TMEM266: variants seen among roughly 807,000 people sequenced by gnomAD.
TMEM266 encodes the protein transmembrane protein 266.
In TMEM266, 33 loss-of-function variants were observed where a neutral mutation model predicts 50.5. That is an observed-to-expected ratio of 0.65 (90% CI 0.50 to 0.87). The LOEUF is 0.87. Among genes scored for constraint, TMEM266 ranks in the 40% least tolerant of loss-of-function variants. TMEM266 has a pLI of 0.00. For synonymous variants in TMEM266, 310 were observed against 292.3 expected (o/e 1.06, Z -0.62); for missense variants, 655 against 695.1 (o/e 0.94, Z 0.65).
chr15:76,183,270 C>T (rs2038447595), intron 8 of TMEM266, among the ~76,000 whole-genome samples: 1 of 151,802 alleles, frequency 6.6e-6, no homozygotes, highest in Non-Finnish European at 1.5e-5. Flanking sequence ...CATGTGTCAC[C>T]ACCCCTGGCT....
At chr15:76,172,958 G>A (rs1259766926) in intron 7 of TMEM266, among the ~76,000 whole-genome samples, 2 of 152,030 alleles carry the variant, frequency 1.3e-5, no homozygotes, top group Admixed American at 6.5e-5. Flanking sequence ...AGCCCCCTTT[G>A]TGACGCTCTT....
rs892889757 is a variant in TMEM266, at chr15:76,153,891, A to C, written c.228-2713A>C. On this transcript the variant is annotated intron_variant, in intron 3 of 10. Coordinates refer to ENST00000388942, the MANE Select transcript of TMEM266 (RefSeq NM_152335.3). This position sits in a 1 kb window ranked among gnomAD's most constrained non-coding sequence, Gnocchi z 4.2. ...CTGTGCCGCTGGCACTGCTGCGGGCAGCAGCTTTAGGCTTCTGGGAGCCTC... is the reference window on the plus strand; with the variant it reads ...CTGTGCCGCTGGCACTGCTGCGGGCCGCAGCTTTAGGCTTCTGGGAGCCTC... Among the ~76,000 whole-genome samples, 1 of 152,216 alleles carries C rather than the reference A, an allele frequency of 6.6e-6. No individual in the cohort carries two copies. The highest frequency in any genetic ancestry group is 2.4e-5 in the African/African-American group (1 of 41,462).
intron 8 of TMEM266, among the ~76,000 whole-genome samples, chr15:76,190,120 A>G (rs2038545876): frequency 6.6e-6 from 1 of 152,270 alleles, no homozygotes; most frequent in South Asian, 2.1e-4. Context: ...AGTTCAATGC[A>G]GAGAATTCAG....
In TMEM266 at chr15:76,069,328, T is replaced by C. The variant is rs75585763; in HGVS notation, c.-97+9312T>C. Among the ~76,000 whole-genome samples the C allele has an allele frequency of 3.9e-3, 592 of 152,174 alleles. 10 individuals carry two copies. Among genetic ancestry groups the C allele is most frequent in the African/African-American group, 0.014 (578 of 41,512 alleles). ...AAAGGACAGAAAAAGCAGGAGGAGA[T>C]AGGGCCTGGTTTGGTGATGAACCAC... On this transcript the variant is annotated intron_variant, in intron 1 of 10. Transcript: ENST00000388942.
intron 1 of TMEM266, among the ~76,000 whole-genome samples, chr15:76,122,586 C>T (rs1247224806): frequency 6.6e-6 from 1 of 152,146 alleles, no homozygotes; most frequent in Admixed American, 6.5e-5. Context: ...TGGAAATTTG[C>T]AAAGTGTTTG....
chr15:76,160,118 G>A lies in TMEM266; in HGVS notation c.406G>A (p.Gly136Ser), dbSNP rs550666214. 1.2e-6 allele frequency: 2 copies of A among 1,614,204 alleles called. No individual in the cohort carries two copies. The highest frequency in any genetic ancestry group is 1.1e-5 in the South Asian group (1 of 91,084). ...AGTTTCCAGCGCATTCCAGTTTGCT[G>A]GCGTGATTCACTGGATCAGCCTGGT... The change falls in exon 5 of 11, where the codon GGC (glycine) becomes AGC (serine). Residue 136 changes from glycine (G) to serine (S), a missense_variant. By Grantham distance (56) the Gly-to-Ser change is moderately conservative (BLOSUM62 0). Transcript: ENST00000388942. This position sits in a 1 kb window ranked among gnomAD's most constrained non-coding sequence, Gnocchi z 5.7.
rs71140199 is a variant in TMEM266 at position 76,183,103 on chromosome 15, C to CTTTTTTT, written c.768+7453_768+7459dup. Among the ~76,000 whole-genome samples the CTTTTTTT allele has an allele frequency of 9.6e-3, 424 of 44,168 alleles. 86 individuals carry two copies. Among genetic ancestry groups the CTTTTTTT allele is most frequent in the Admixed American group, 0.018 (38 of 2,104 alleles). The allele number at this position is 44,168 out of a possible 152,430, so 29.0% of individuals were successfully genotyped here. A position where few individuals can be genotyped will look rare whatever the true frequency, so the allele number is the denominator to read the frequency against. On this transcript the variant is annotated intron_variant, in intron 8 of 10. Transcript: ENST00000388942. Reference sequence around the variant, plus strand: ...CCTCCAGGCTGCTTCCATTTTGTGGCTTTTTTTTTTTTTTTTTTTTTTTTT... The same window carrying CTTTTTTT: ...CCTCCAGGCTGCTTCCATTTTGTGGCTTTTTTTTTTTTTTTTTTTTTTTTTTTTTTTT...
chr15:76,171,297 G>A (rs1381428448), intron 7 of TMEM266, among the ~76,000 whole-genome samples, 166 bp downstream of exon 7: 1 of 152,180 alleles, frequency 6.6e-6, no homozygotes, highest in East Asian at 1.9e-4. Flanking sequence ...TCGCCATCAC[G>A]CGTTCATGCA....
chr15:76,111,793 T>C (rs552753982), intron 1 of TMEM266, among the ~76,000 whole-genome samples: 1 of 152,216 alleles, frequency 6.6e-6, no homozygotes, highest in African/African-American at 2.4e-5. Context: ...CCCAAATGAG[T>C]TGAAATTGAT....
chr15:76,105,697 G>A (rs572201102), intron 1 of TMEM266, among the ~76,000 whole-genome samples: 1 of 152,236 alleles, frequency 6.6e-6, no homozygotes, highest in Non-Finnish European at 1.5e-5. Context: ...TGCTCAAAGA[G>A]ATGGCAGGAA....
At chr15:76,166,373 C>A (rs766474802) in intron 5 of TMEM266, among the ~76,000 whole-genome samples, 1 of 152,178 alleles carries the variant, frequency 6.6e-6, no homozygotes, top group African/African-American at 2.4e-5. Flanking sequence ...ACAGCGGCCT[C>A]TTGCTATTCT....
At chr15:76,083,021 G>A (rs918148217) in intron 1 of TMEM266, among the ~76,000 whole-genome samples, 1 of 151,882 alleles carries the variant, frequency 6.6e-6, no homozygotes, top group African/African-American at 2.4e-5. Flanking sequence ...AACTAACAGA[G>A]CAAGAACTCA....
At position 76,153,009 on chromosome 15, in the gene TMEM266, G is replaced by A. The variant is rs56853800; in HGVS notation, c.228-3595G>A. Among the ~76,000 whole-genome samples the A allele has an allele frequency of 0.094, 14,373 of 152,182 alleles. 1,002 individuals are homozygous for A. The highest frequency in any genetic ancestry group is 0.21 in the Admixed American group (3,257 of 15,278). The stretch of plus-strand genomic sequence containing the variant: ...GTCCTCTACCTGGCTCTTCCCTGAG[G>A]CTGAGGAGTGTGCTCTGGTGTCAGG... On this transcript the variant is annotated intron_variant, in intron 3 of 10. Coordinates refer to ENST00000388942, the MANE Select transcript of TMEM266 (RefSeq NM_152335.3). This position sits in a 1 kb window ranked among gnomAD's most constrained non-coding sequence, Gnocchi z 4.2.
intron 5 of TMEM266, among the ~76,000 whole-genome samples, chr15:76,166,233 C>A (rs918566875): frequency 6.6e-6 from 1 of 151,520 alleles, no homozygotes; most frequent in Non-Finnish European, 1.5e-5. Context: ...AAGGATGCTG[C>A]GGGGGGGAAA....
chr15:76,130,279 T>A (rs1182485760), intron 1 of TMEM266, among the ~76,000 whole-genome samples: 1 of 129,524 alleles, frequency 7.7e-6, no homozygotes, highest in South Asian at 2.6e-4. Context: ...GTCTCATGCC[T>A]GTAATTCCAG....
At chr15:76,075,975 A>G (rs12917476) in intron 1 of TMEM266, among the ~76,000 whole-genome samples, 148,863 of 148,864 alleles carry the variant, frequency 1, 74,431 homozygotes, top group Non-Finnish European at 1. Flanking sequence ...TCCTCCCTCA[A>G]CCCCCCGAGT....
At chr15:76,149,288 G>A (rs976570414) in intron 3 of TMEM266, among the ~76,000 whole-genome samples, 1 of 152,082 alleles carries the variant, frequency 6.6e-6, no homozygotes, top group Non-Finnish European at 1.5e-5. Flanking sequence ...CCCCTTGTTT[G>A]TTTTGCCTTT....
At chr15:76,084,840 ATCT>A (rs1288402229) in intron 1 of TMEM266, among the ~76,000 whole-genome samples, 26 of 151,868 alleles carry the variant, frequency 1.7e-4, no homozygotes, top group African/African-American at 5.3e-4. Context: ...TGACCTCGTG[ATCT>A]GCCTGCCTTG....
At chr15:76,175,728 G>C (rs1046573608) in intron 8 of TMEM266, 54 bp downstream of exon 8, 15 of 1,445,442 alleles carry the variant, frequency 1.0e-5, no homozygotes, top group Non-Finnish European at 1.4e-5. Flanking sequence ...GACACTGGTA[G>C]TGCCTAAAGC....
Sources: gnomAD v4.1 joint callset for allele counts (sites outside exome capture counted in the v4.1 genomes callset) on GRCh38, gnomAD v4.1.1 for gene constraint, Gnocchi (gnomAD v3.1) non-coding constraint, MANE v1.5 for transcripts, NCBI Gene and HGNC (gene_info 2026-07-23, HGNC 2026-07-21) for gene names.